The following TAOK3 variants were observed in gnomAD, a reference collection of about 807,000 sequenced individuals.
TAOK3 encodes serine/threonine-protein kinase TAO3.
In TAOK3, 40 loss-of-function variants were observed where a neutral mutation model predicts 120.4. That is an observed-to-expected ratio of 0.33 (90% CI 0.26 to 0.43). The LOEUF is 0.43. TAOK3 is among the 20% of genes least tolerant of loss of function. TAOK3 has a pLI of 1.00. For missense variants in TAOK3, 821 were observed against 1,112.1 expected, an observed-to-expected ratio of 0.74 and a Z score of 3.72; for synonymous variants, 355 against 387.5, an observed-to-expected ratio of 0.92 and a Z score of 0.99.
intron 1 of TAOK3, among the ~76,000 whole-genome samples, chr12:118,363,850 G>A (rs1197943922): frequency 3.3e-5 from 5 of 151,968 alleles, no homozygotes; most frequent in South Asian, 2.1e-4. Flanking sequence ...GGCCAGGCGC[G>A]GTGGCTCATG....
At chr12:118,285,430 G>T (rs2042233890) in intron 1 of TAOK3, among the ~76,000 whole-genome samples, 1 of 151,286 alleles carries the variant, frequency 6.6e-6, no homozygotes, top group African/African-American at 2.4e-5. Context: ...TCAGCTCACT[G>T]CAACCTCCAC....
intron 1 of TAOK3, among the ~76,000 whole-genome samples, chr12:118,333,836 A>C (rs1201404726): frequency 7.5e-6 from 1 of 132,516 alleles, no homozygotes; most frequent in Non-Finnish European, 1.6e-5. Context: ...GTATTTTATA[A>C]AAAAAAAAAA....
rs1329261643 is a variant in TAOK3, at chr12:118,217,171, G to A, written c.644-3061C>T. 2.6e-5 allele frequency among the ~76,000 whole-genome samples: 4 copies of A among 152,150 alleles called. No individual in the cohort carries two copies. In the East Asian group the frequency reaches 5.8e-4, roughly 22 times the overall value. ...TCAAAAAACAGAACAAGGCTAAGAG[G>A]TGAAGTTATAGAAAAGACATTTTCA... On this transcript the variant is annotated intron_variant, in intron 9 of 20. Coordinates refer to ENST00000392533, the MANE Select transcript of TAOK3 (RefSeq NM_016281.4).
rs1286222744 is a variant in TAOK3, at chr12:118,371,026, C to T, written c.-194+1622G>A. Among the ~76,000 whole-genome samples the T allele has an allele frequency of 1.3e-5, 2 of 152,208 alleles. No homozygotes were observed. Among genetic ancestry groups the T allele is most frequent in the Non-Finnish European group, 2.9e-5 (2 of 68,042 alleles). On this transcript the variant is annotated intron_variant, in intron 1 of 20. Transcript: ENST00000392533. This position sits in a 1 kb window ranked among gnomAD's most constrained non-coding sequence, Gnocchi z 5.5. Reference sequence around the variant, plus strand: ...ATTTAGTTTGACCTTCCAACTATCTCCAACAGATCAAAGTTAAACAGTCCA... The same window carrying T: ...ATTTAGTTTGACCTTCCAACTATCTTCAACAGATCAAAGTTAAACAGTCCA...
At chr12:118,235,505 G>A (rs902764404) in intron 8 of TAOK3, 53 bp downstream of exon 8, 54 of 1,391,096 alleles carry the variant, frequency 3.9e-5, no homozygotes, top group Non-Finnish European at 5.5e-5. Context: ...CACCATAGTT[G>A]AGTTCATGTA....
intron 9 of TAOK3, among the ~76,000 whole-genome samples, chr12:118,215,331 A>G (rs2038842293): frequency 2.9e-5 from 1 of 33,936 alleles, no homozygotes. Flanking sequence ...CCGTCTCTAC[A>G]AAAAAAAAAA....
chr12:118,298,579 A>G (rs2042765213), intron 1 of TAOK3, among the ~76,000 whole-genome samples: 1 of 152,220 alleles, frequency 6.6e-6, no homozygotes, highest in South Asian at 2.1e-4. Context: ...CTGTGACAGC[A>G]TTATATATAG....
intron 3 of TAOK3, among the ~76,000 whole-genome samples, chr12:118,245,889 G>T (rs2040469201): frequency 6.6e-6 from 1 of 152,138 alleles, no homozygotes; most frequent in South Asian, 2.1e-4. Flanking sequence ...AAATAAATAT[G>T]ATATGACCAT....
At chr12:118,272,751 G>A (rs2041761973) in intron 1 of TAOK3, among the ~76,000 whole-genome samples, 2 of 151,670 alleles carry the variant, frequency 1.3e-5, no homozygotes, top group African/African-American at 2.4e-5. Context: ...TGGGAGGGTT[G>A]CTTGAGTCCA....
intron 1 of TAOK3, among the ~76,000 whole-genome samples, chr12:118,368,829 G>A (rs2045816892): frequency 7.1e-6 from 1 of 141,572 alleles, no homozygotes; most frequent in African/African-American, 2.6e-5. Context: ...AAAAATAAAA[G>A]TAAAATGAAA....
At chr12:118,213,373 C>T (rs2038725086) in intron 10 of TAOK3, among the ~76,000 whole-genome samples, 1 of 152,032 alleles carries the variant, frequency 6.6e-6, no homozygotes, top group Non-Finnish European at 1.5e-5. Context: ...CCTCTACCAC[C>T]CACAATCTAT....
chr12:118,216,217 TTG>T (rs1434849056), intron 9 of TAOK3, among the ~76,000 whole-genome samples: 1 of 152,070 alleles, frequency 6.6e-6, no homozygotes, highest in African/African-American at 2.4e-5. Flanking sequence ...GGTCTTGAAC[TTG>T]TGGGCTCAAG....
At chr12:118,179,714 G>A (rs1273909471) in intron 15 of TAOK3, among the ~76,000 whole-genome samples, 2 of 145,210 alleles carry the variant, frequency 1.4e-5, no homozygotes, top group East Asian at 2.1e-4. Context: ...GCGTGACCTC[G>A]GCTCACTGCA....
chr12:118,236,066 TTC>T (rs369931623), intron 7 of TAOK3: 1 of 160,120 alleles, frequency 6.2e-6, no homozygotes, highest in East Asian at 1.8e-4. Flanking sequence ...TAACTGCTTT[TTC>T]TGCTTTTCCA....
At chr12:118,244,687 C>A (rs11068882) in intron 4 of TAOK3, among the ~76,000 whole-genome samples, 49 of 151,902 alleles carry the variant, frequency 3.2e-4, no homozygotes, top group African/African-American at 1.1e-3. Context: ...CGCCACCACG[C>A]CCGGCTAATT....
In TAOK3 at chr12:118,218,805, T is replaced by C. The variant is rs2039073074; in HGVS notation, c.644-4695A>G. ...CCCGTCTCTACTAAAAATACAAAAT[T>C]AGCCAGGCCGTGGTGGCTTGTGCCT... is the stretch of plus-strand genomic sequence containing the variant. On this transcript the variant is annotated intron_variant, in intron 9 of 20. Coordinates refer to ENST00000392533, the MANE Select transcript of TAOK3 (RefSeq NM_016281.4). Among the ~76,000 whole-genome samples, 4 of 151,890 alleles carry C rather than the reference T, an allele frequency of 2.6e-5. No individual in the cohort carries two copies. The South Asian group carries it at 8.3e-4, about 32-fold the overall frequency.
At chr12:118,279,915 G>A (rs1179260864) in intron 1 of TAOK3, among the ~76,000 whole-genome samples, 14 of 151,160 alleles carry the variant, frequency 9.3e-5, no homozygotes, top group East Asian at 7.8e-4. Flanking sequence ...ATAGGCGCCC[G>A]CCACCACGTC....
intron 17 of TAOK3, among the ~76,000 whole-genome samples, chr12:118,163,259 T>C (rs1452282181): frequency 6.6e-6 from 1 of 152,206 alleles, no homozygotes; most frequent in South Asian, 2.1e-4. Context: ...GGGAATATAC[T>C]GATGCCTAAG....
chr12:118,339,674 T>C (rs2044529998), intron 1 of TAOK3, among the ~76,000 whole-genome samples: 1 of 152,044 alleles, frequency 6.6e-6, no homozygotes, highest in Non-Finnish European at 1.5e-5. Flanking sequence ...CAAGCGATTC[T>C]GCCTCAGCCT....
Sources: allele counts gnomAD v4.1 joint callset (sites outside exome capture counted in the v4.1 genomes callset), GRCh38; gene constraint gnomAD v4.1.1; non-coding constraint Gnocchi (gnomAD v3.1); transcripts MANE v1.5; gene names NCBI Gene and HGNC (gene_info 2026-07-23, HGNC 2026-07-21).